The following PLEKHG7 variants were observed in gnomAD, a reference collection of about 807,000 sequenced individuals.
PLEKHG7 encodes the protein pleckstrin homology and RhoGEF domain containing G7, also known as pleckstrin homology domain-containing family G member 7.
PLEKHG7 carries 77 observed loss-of-function variants against 85.2 expected under a neutral mutation model. That is an observed-to-expected ratio of 0.90 (90% CI 0.75 to 1.09). PLEKHG7 has a LOEUF of 1.09. Ranked by LOEUF, PLEKHG7 falls within the 50% of genes least tolerant of loss-of-function variation. The pLI, the probability that PLEKHG7 is intolerant of heterozygous loss-of-function variation, is 0.00. For synonymous variants in PLEKHG7, 301 were observed against 302.4 expected, an observed-to-expected ratio of 1.00 and a Z score of 0.05; for missense variants, 777 against 804.3, an observed-to-expected ratio of 0.97 and a Z score of 0.41.
chr12:92,744,664 T>A (rs1370034098), intron 9 of PLEKHG7, among the ~76,000 whole-genome samples: 1 of 151,508 alleles, frequency 6.6e-6, no homozygotes, highest in East Asian at 1.9e-4. Context: ...TTCTTTTTTT[T>A]TTTTTTGTTT....
intron 13 of PLEKHG7, 98 bp downstream of exon 13, chr12:92,756,489 A>G (rs1872837068): frequency 1.1e-6 from 1 of 937,672 alleles, no homozygotes; most frequent in Non-Finnish European, 1.7e-6. Context: ...GTGTTTGCCT[A>G]TGTTCCAGGT....
At chr12:92,713,399 A>C (rs1766209927) in intron 3 of PLEKHG7, among the ~76,000 whole-genome samples, 1 of 152,034 alleles carries the variant, frequency 6.6e-6, no homozygotes. Flanking sequence ...CAGTGCCAGC[A>C]CTCTACAGGA....
At chr12:92,741,313 A>C (rs943816460) in intron 8 of PLEKHG7, among the ~76,000 whole-genome samples, 178 bp from the exon 9 acceptor site, 3 of 152,234 alleles carry the variant, frequency 2.0e-5, no homozygotes, top group African/African-American at 7.2e-5. Context: ...ATTTATTTAT[A>C]AGAAATACTT....
chr12:92,716,804 T>C (rs781640819), intron 3 of PLEKHG7, among the ~76,000 whole-genome samples: 2 of 152,224 alleles, frequency 1.3e-5, no homozygotes, highest in Non-Finnish European at 2.9e-5. Flanking sequence ...AAAACCTTCC[T>C]GAGAGCAGAG....
intron 13 of PLEKHG7, 97 bp from the exon 14 acceptor site, chr12:92,761,655 A>AAAG (rs1873025890): frequency 2.2e-5 from 27 of 1,214,820 alleles, no homozygotes; most frequent in Admixed American, 8.3e-5. Context: ...AGAAAGAAAG[A>AAAG]AAGAAAGAAA....
chr12:92,709,620 CGGCAGACATAAA>C (rs1871331282), intron 3 of PLEKHG7, among the ~76,000 whole-genome samples: 2 of 151,954 alleles, frequency 1.3e-5, no homozygotes, highest in African/African-American at 4.8e-5. Context: ...TAGATGGAGC[CGGCAGACATAAA>C]GGCAGATCAA....
At chr12:92,709,576 A>G (rs919066255) in intron 3 of PLEKHG7, among the ~76,000 whole-genome samples, 20 of 152,228 alleles carry the variant, frequency 1.3e-4, no homozygotes, top group Non-Finnish European at 4.4e-5. Context: ...AATGTTTCCT[A>G]GAGCAGGTAA....
chr12:92,765,167 A>G (rs1333089436), intron 15 of PLEKHG7, among the ~76,000 whole-genome samples: 1 of 152,142 alleles, frequency 6.6e-6, no homozygotes, highest in Admixed American at 6.5e-5. Flanking sequence ...AAATACTTAC[A>G]TAGTTATGCT....
intron 10 of PLEKHG7, among the ~76,000 whole-genome samples, chr12:92,752,811 C>T (rs1872726914): frequency 2.0e-5 from 3 of 152,304 alleles, no homozygotes; most frequent in Non-Finnish European, 4.4e-5. Flanking sequence ...GAGTTTGTTG[C>T]TCACAGTTCT....
Position 92,755,864 on chromosome 12 carries a change from A to C in PLEKHG7, c.1466A>C (p.Gln489Pro). 1.2e-6 allele frequency: 2 copies of C among 1,613,716 alleles called. No homozygotes were observed. The highest frequency in any genetic ancestry group is 1.7e-6 in the Non-Finnish European group (2 of 1,179,796). ...EGKVKWLDNFQKFRYLQEIIV... is the reference protein window; with the variant it reads ...EGKVKWLDNFPKFRYLQEIIV... ...AAAGTGAAGTGGCTGGACAATTTCC[A>C]AAAATTTAGATATCTACAGGAGATT... Residue 489 changes from glutamine to proline, a missense_variant, in exon 12 of 17, where the codon CAA becomes CCA. By Grantham distance (76) the Gln-to-Pro change is moderately conservative. Coordinates refer to ENST00000344636, the MANE Select transcript of PLEKHG7 (RefSeq NM_001377329.1).
chr12:92,749,438 T>C (rs1214700048), intron 10 of PLEKHG7: 1 of 152,158 alleles, frequency 6.6e-6, no homozygotes, highest in Admixed American at 6.6e-5. Flanking sequence ...ACTACAAACA[T>C]GTGCCACCAC....
Position 92,740,872 on chromosome 12 carries a change from G to GAT in PLEKHG7, c.962_963dup (p.Leu322IlefsTer9). The GAT allele has an allele frequency of 1.9e-6, 3 of 1,607,334 alleles. No homozygotes were observed. Among genetic ancestry groups the GAT allele is most frequent in the Non-Finnish European group, 2.6e-6 (3 of 1,175,178 alleles). ...TCAAAGATCTTTATGAATACACTAA[G>GAT]ATATCTGCAAACTCATGAATATCTC... On this transcript the variant is annotated frameshift_variant, in exon 8 of 17. Coordinates refer to ENST00000344636, the MANE Select transcript of PLEKHG7 (RefSeq NM_001377329.1). LOFTEE classifies it high-confidence loss of function.
At chr12:92,768,869 G>A (rs542236879) in intron 15 of PLEKHG7, 114 bp from the exon 16 acceptor site, 56 of 691,308 alleles carry the variant, frequency 8.1e-5, no homozygotes, top group Admixed American at 2.4e-4. Context: ...TCCCACCCTC[G>A]TTAAAACAGA....
intron 5 of PLEKHG7, among the ~76,000 whole-genome samples, chr12:92,733,721 G>T (rs1249285663): frequency 6.6e-6 from 1 of 152,172 alleles, no homozygotes; most frequent in South Asian, 2.1e-4. Context: ...AAGCTCTGAG[G>T]GCTGCCTGAG....
intron 12 of PLEKHG7, 66 bp downstream of exon 12, chr12:92,756,006 C>A: frequency 1.8e-6 from 2 of 1,100,680 alleles, no homozygotes; most frequent in Non-Finnish European, 2.7e-6. Flanking sequence ...GATAGAAATA[C>A]AATCATCTTA....
chr12:92,759,830 TA>T (rs1295671340), intron 13 of PLEKHG7, among the ~76,000 whole-genome samples: 1 of 152,220 alleles, frequency 6.6e-6, no homozygotes, highest in Non-Finnish European at 1.5e-5. Context: ...TCTAGTGCTG[TA>T]CCATTCCTAG....
In PLEKHG7 at chr12:92,758,404, T is replaced by TTGA. The variant is rs544708619; in HGVS notation, c.1636+2015_1636+2017dup. Among the ~76,000 whole-genome samples, 308 of 152,350 alleles carry TTGA rather than the reference T, an allele frequency of 2.0e-3. 3 individuals carry two copies. The highest frequency in any genetic ancestry group is 7.2e-3 in the African/African-American group (299 of 41,582). On this transcript the variant is annotated intron_variant, in intron 13 of 16. Coordinates refer to ENST00000344636, the MANE Select transcript of PLEKHG7 (RefSeq NM_001377329.1). ...CTAATCTATGTATCTGAAAGTTTTG[T>TTGA]TGATAATGCCATGAGTGGTAGAGGG... is the stretch of plus-strand genomic sequence containing the variant.
chr12:92,709,182 T>C (rs1871321489), intron 3 of PLEKHG7, among the ~76,000 whole-genome samples: 1 of 152,130 alleles, frequency 6.6e-6, no homozygotes, highest in South Asian at 2.1e-4. Flanking sequence ...AATGTTCAGG[T>C]ATGAGAAGTT....
chr12:92,770,245 T>C lies in PLEKHG7; in HGVS notation c.*50T>C. ...TTTTAGAAGATTATGGTTTAAGGTA[T>C]AATTTCATTCAAAGTTTTGTAACAC... On this transcript the variant is annotated 3_prime_UTR_variant, in exon 17 of 17. Transcript: ENST00000344636. 1.5e-6 allele frequency: 2 copies of C among 1,328,376 alleles called. No homozygotes were observed. Among genetic ancestry groups the C allele is most frequent in the Non-Finnish European group, 2.1e-6 (2 of 948,226 alleles). 82.3% of individuals were successfully genotyped at this position (1,328,376 alleles called of 1,614,324 possible).
Sources: gnomAD v4.1 joint callset for allele counts (sites outside exome capture counted in the v4.1 genomes callset) on GRCh38, gnomAD v4.1.1 for gene constraint, MANE v1.5 for transcripts, NCBI Gene and HGNC (gene_info 2026-07-23, HGNC 2026-07-21) for gene names.